Variants in PRKCQ observed in about 807,000 individuals in gnomAD.
The protein encoded by PRKCQ is protein kinase C theta type.
Under a neutral mutation model 91.2 loss-of-function variants are expected in PRKCQ, and 41 were observed. The ratio of observed to expected loss-of-function variants is 0.45; its 90% confidence interval spans 0.35 to 0.58. The LOEUF (loss-of-function observed/expected upper bound fraction) is 0.58. Ranked by LOEUF, PRKCQ falls within the 20% of genes least tolerant of loss-of-function variation. The probability of loss-of-function intolerance (pLI) is 0.00; values close to 1 mark genes in which losing one functional copy is unlikely to be tolerated. For missense variants in PRKCQ, 673 were observed against 896.5 expected (o/e 0.75, Z 3.18); for synonymous variants, 307 against 316.9 (o/e 0.97, Z 0.33).
At position 6,569,447 on chromosome 10, in the gene PRKCQ, GAGT is replaced by G. The variant is rs1430676113; in HGVS notation, c.-10+10761_-10+10763del. On this transcript the variant is annotated intron_variant, in intron 1 of 17. Coordinates refer to ENST00000263125, the MANE Select transcript of PRKCQ (RefSeq NM_006257.5). ...CCGATGTGAGGGCTGGAGAGGAAAGGAGTAGAACCTTCGAATCCACATCAGGGA... is the reference window on the plus strand; with the variant it reads ...CCGATGTGAGGGCTGGAGAGGAAAGGAGAACCTTCGAATCCACATCAGGGA... 5.9e-5 allele frequency among the ~76,000 whole-genome samples: 9 copies of G among 152,228 alleles called. No individual in the cohort carries two copies. In the East Asian group the frequency reaches 1.7e-3, roughly 29 times the overall value.
intron 1 of PRKCQ, among the ~76,000 whole-genome samples, chr10:6,543,576 C>T (rs1428349212): frequency 6.6e-6 from 1 of 152,192 alleles, no homozygotes; most frequent in African/African-American, 2.4e-5. Context: ...ACGCTAACCA[C>T]TACTTTGTGG....
chr10:6,498,380 T>C lies in PRKCQ; in HGVS notation c.542+16A>G. The C allele has an allele frequency of 1.2e-6, 2 of 1,613,560 alleles. No homozygotes were observed. The highest frequency in any genetic ancestry group is 2.2e-5 in the East Asian group (1 of 44,886). On this transcript the variant is annotated intron_variant, in intron 5 of 17. Transcript: ENST00000263125. ...GCATAACCCGAAGCTTGGAGGGAGA[T>C]GCCAAGTTACTGTACCAGACAAACT...
At chr10:6,503,737 AT>A (rs1838039407) in intron 4 of PRKCQ, among the ~76,000 whole-genome samples, 1 of 152,060 alleles carries the variant, frequency 6.6e-6, no homozygotes, top group Admixed American at 6.6e-5. Context: ...TATTCTCAAC[AT>A]TTTTTCCCTT....
chr10:6,479,602 G>T lies in PRKCQ; in HGVS notation c.1180-437C>A, dbSNP rs377388681. Among the ~76,000 whole-genome samples, 3 of 151,954 alleles carry T rather than the reference G, an allele frequency of 2.0e-5. No homozygotes were observed. The South Asian group carries it at 6.2e-4, about 32-fold the overall frequency. ...ACCCAGTTTTTCCAGGCCAAAAGAAGAATGGAGGGATATAGTTCTCCTTGT... is the reference window on the plus strand; with the variant it reads ...ACCCAGTTTTTCCAGGCCAAAAGAATAATGGAGGGATATAGTTCTCCTTGT... On this transcript the variant is annotated intron_variant, in intron 11 of 17. Coordinates refer to ENST00000263125, the MANE Select transcript of PRKCQ (RefSeq NM_006257.5).
chr10:6,481,553 G>T (rs1350788290), intron 11 of PRKCQ, among the ~76,000 whole-genome samples: 1 of 152,190 alleles, frequency 6.6e-6, no homozygotes, highest in African/African-American at 2.4e-5. Flanking sequence ...AAGAATTCCT[G>T]AATATCAGCT....
chr10:6,532,830 G>A (rs919025756), intron 1 of PRKCQ, among the ~76,000 whole-genome samples: 4 of 152,092 alleles, frequency 2.6e-5, no homozygotes, highest in Non-Finnish European at 5.9e-5. Context: ...AAGAGATATT[G>A]GTAATTTATT....
intron 16 of PRKCQ, among the ~76,000 whole-genome samples, chr10:6,437,112 C>CT (rs1190800704): frequency 1.3e-5 from 2 of 152,200 alleles, no homozygotes; most frequent in African/African-American, 4.8e-5. Flanking sequence ...CTTGTGCTCA[C>CT]TTTTTTCCAG....
intron 10 of PRKCQ, 39 bp downstream of exon 10, chr10:6,485,113 A>G (rs1019852496): frequency 1.3e-6 from 2 of 1,548,438 alleles, no homozygotes; most frequent in African/African-American, 2.7e-5. Flanking sequence ...ATTGAGATTA[A>G]TGACTGACAG....
chr10:6,537,317 C>T (rs1255345413), intron 1 of PRKCQ, among the ~76,000 whole-genome samples: 1 of 152,066 alleles, frequency 6.6e-6, no homozygotes, highest in Non-Finnish European at 1.5e-5. Context: ...TAACAAAATC[C>T]GATGTTTTTT....
chr10:6,441,726 A>G lies in PRKCQ; in HGVS notation c.1836+167T>C, dbSNP rs577807643. Among the ~76,000 whole-genome samples, 4 of 152,338 alleles carry G rather than the reference A, an allele frequency of 2.6e-5. No homozygotes were observed. In the East Asian group the frequency reaches 7.7e-4, roughly 29 times the overall value. On this transcript the variant is annotated intron_variant, in intron 16 of 17. Coordinates refer to ENST00000263125, the MANE Select transcript of PRKCQ (RefSeq NM_006257.5). ...ACACTCATTTTGACATTTAATGCTCATAATATTGGTGCCTCTATTAAAACA... is the reference window on the plus strand; with the variant it reads ...ACACTCATTTTGACATTTAATGCTCGTAATATTGGTGCCTCTATTAAAACA...
the PRKCQ span, among the ~76,000 whole-genome samples, chr10:6,403,337 G>C: frequency 6.6e-6 from 1 of 152,308 alleles, no homozygotes; most frequent in East Asian, 1.9e-4. Flanking sequence ...CTATGGAGTA[G>C]GGTCCCTTCT....
chr10:6,495,110 G>C (rs890552929), intron 7 of PRKCQ, among the ~76,000 whole-genome samples: 1 of 152,116 alleles, frequency 6.6e-6, no homozygotes, highest in African/African-American at 2.4e-5. Context: ...CTCCACCTCT[G>C]CTGACGTCTC....
At chr10:6,473,394 G>A (rs958086032) in intron 12 of PRKCQ, among the ~76,000 whole-genome samples, 2 of 152,138 alleles carry the variant, frequency 1.3e-5, no homozygotes, top group African/African-American at 2.4e-5. Context: ...GCTGTAAATC[G>A]ACTCATTTTT....
chr10:6,491,927 T>G, intron 7 of PRKCQ, 115 bp from the exon 8 acceptor site: 1 of 1,439,070 alleles, frequency 6.9e-7, no homozygotes, highest in Non-Finnish European at 9.6e-7. Context: ...TGGCATTGTG[T>G]GCATTTTAAA....
At chr10:6,418,913 TC>T in the PRKCQ span, among the ~76,000 whole-genome samples, 2 of 152,130 alleles carry the variant, frequency 1.3e-5, no homozygotes, top group African/African-American at 4.8e-5. Context: ...CATCCATCCA[TC>T]TGTCCATTCA....
intron 1 of PRKCQ, among the ~76,000 whole-genome samples, chr10:6,516,906 TC>T: frequency 6.6e-6 from 1 of 152,084 alleles, no homozygotes; most frequent in Non-Finnish European, 1.5e-5. Flanking sequence ...AAACCCTCTG[TC>T]CCCCTGAAGG....
At chr10:6,491,915 A>G (rs3815975) in intron 7 of PRKCQ, 103 bp from the exon 8 acceptor site, 600,623 of 1,472,082 alleles carry the variant, frequency 0.41, 124,701 homozygotes, top group African/African-American at 0.55. Flanking sequence ...TAATGAAAAC[A>G]CTGGCATTGT....
chr10:6,530,522 C>A (rs1297094643), intron 1 of PRKCQ, among the ~76,000 whole-genome samples: 1 of 152,152 alleles, frequency 6.6e-6, no homozygotes, highest in Non-Finnish European at 1.5e-5. Context: ...TGCCCGGCAA[C>A]GGGGGACTGG....
chr10:6,568,561 G>C (rs1475134149), intron 1 of PRKCQ, among the ~76,000 whole-genome samples: 3 of 148,944 alleles, frequency 2.0e-5, no homozygotes, highest in African/African-American at 7.5e-5. Context: ...GCAGTGGCGT[G>C]ATCTTGGTTC....
Sources: allele counts gnomAD v4.1 joint callset (sites outside exome capture counted in the v4.1 genomes callset), GRCh38; gene constraint gnomAD v4.1.1; transcripts MANE v1.5; gene names NCBI Gene and HGNC (gene_info 2026-07-23, HGNC 2026-07-21).